Variants in TMEM232 observed in about 807,000 individuals in gnomAD.
The protein encoded by TMEM232 is transmembrane protein 232.
A neutral mutation model predicts 78.8 loss-of-function variants in TMEM232; 80 were observed. The ratio of observed to expected loss-of-function variants is 1.01; its 90% confidence interval spans 0.85 to 1.22. The LOEUF (loss-of-function observed/expected upper bound fraction) is 1.22, where lower values mean the gene tolerates loss of function less well. Among genes scored for constraint, TMEM232 ranks in the 50% most tolerant of loss-of-function variants. The pLI, the probability that TMEM232 is intolerant of heterozygous loss-of-function variation, is 0.00. For synonymous variants in TMEM232, 297 were observed against 254.3 expected (o/e 1.17, Z -1.60); for missense variants, 881 against 742.2 (o/e 1.19, Z -2.17).
chr5:110,491,816 TA>T, intron 12 of TMEM232, among the ~76,000 whole-genome samples: 1 of 151,994 alleles, frequency 6.6e-6, no homozygotes, highest in Middle Eastern at 3.4e-3. Flanking sequence ...GTGAGATTTT[TA>T]AAGTAAACAA....
chr5:110,601,757 G>A (rs1174360641), intron 10 of TMEM232, among the ~76,000 whole-genome samples: 1 of 152,056 alleles, frequency 6.6e-6, no homozygotes, highest in Non-Finnish European at 1.5e-5. Context: ...TTCCCATCAA[G>A]CTACCACTGA....
chr5:110,533,004 G>A (rs989379870), intron 11 of TMEM232, among the ~76,000 whole-genome samples: 1 of 152,088 alleles, frequency 6.6e-6, no homozygotes, highest in Non-Finnish European at 1.5e-5. Flanking sequence ...AAACTGTTTT[G>A]CCTATCCACC....
At chr5:110,530,334 A>T (rs1438734140) in intron 11 of TMEM232, among the ~76,000 whole-genome samples, 1 of 152,224 alleles carries the variant, frequency 6.6e-6, no homozygotes, top group African/African-American at 2.4e-5. Context: ...ATAAGGTGAA[A>T]ATCATGCAAG....
intron 1 of TMEM232, among the ~76,000 whole-genome samples, chr5:110,721,279 T>C (rs75469192): frequency 0.019 from 2,897 of 152,166 alleles, 39 homozygotes; most frequent in Non-Finnish European, 0.031. Flanking sequence ...ACCAATAAAA[T>C]GTAGCCCTGG....
intron 1 of TMEM232, among the ~76,000 whole-genome samples, chr5:110,721,401 T>C (rs1313779035): frequency 2.0e-5 from 3 of 151,786 alleles, no homozygotes; most frequent in African/African-American, 7.3e-5. Context: ...TAGAAATGCA[T>C]GGATGTGCTT....
intron 12 of TMEM232, among the ~76,000 whole-genome samples, chr5:110,495,011 G>T (rs904601625): frequency 1.3e-5 from 2 of 151,728 alleles, no homozygotes; most frequent in South Asian, 2.1e-4. Context: ...AGCAGTAGGA[G>T]AATGGAATTG....
At chr5:110,600,458 C>A (rs1360165925) in intron 10 of TMEM232, among the ~76,000 whole-genome samples, 1 of 151,980 alleles carries the variant, frequency 6.6e-6, no homozygotes, top group Non-Finnish European at 1.5e-5. Flanking sequence ...CAAATACATG[C>A]AATAAAAAAT....
intron 12 of TMEM232, among the ~76,000 whole-genome samples, chr5:110,483,953 T>C (rs972653581): frequency 3.3e-5 from 5 of 152,200 alleles, no homozygotes; most frequent in African/African-American, 9.7e-5. Flanking sequence ...GTGTGGTATA[T>C]ATACAGTATG....
intron 12 of TMEM232, among the ~76,000 whole-genome samples, chr5:110,434,978 C>G (rs987100398): frequency 6.6e-6 from 1 of 151,578 alleles, no homozygotes; most frequent in Non-Finnish European, 1.5e-5. Context: ...CAACAACCTA[C>G]TGAATGGGCA....
At chr5:110,427,398 T>C (rs1757355612) in intron 12 of TMEM232, among the ~76,000 whole-genome samples, 1 of 151,952 alleles carries the variant, frequency 6.6e-6, no homozygotes, top group Non-Finnish European at 1.5e-5. Flanking sequence ...AAAGCCATGG[T>C]GTTTAGCTGT....
chr5:110,664,493 G>C (rs891726588), intron 2 of TMEM232, among the ~76,000 whole-genome samples: 1 of 152,212 alleles, frequency 6.6e-6, no homozygotes, highest in Non-Finnish European at 1.5e-5. Context: ...AGCACATATG[G>C]TTAAACAGCT....
At position 110,512,752 on chromosome 5, in the gene TMEM232, AAAAAC is replaced by A. The variant is rs560297961; in HGVS notation, c.1703+15831_1703+15835del. ...TCTTTGAAAGAGCAAAGAGCACACA[AAAAAC>A]AAAACACAAAACAAAAACATGTAGA... On this transcript the variant is annotated intron_variant, in intron 12 of 13. Coordinates refer to ENST00000455884, the MANE Select transcript of TMEM232 (RefSeq NM_001039763.4). Among the ~76,000 whole-genome samples the A allele has an allele frequency of 4.6e-3, 693 of 152,296 alleles. 1 individual carries two copies. The highest frequency in any genetic ancestry group is 8.1e-3 in the Non-Finnish European group (550 of 68,008).
intron 8 of TMEM232, among the ~76,000 whole-genome samples, chr5:110,611,746 T>C (rs10035754): frequency 0.095 from 14,465 of 152,150 alleles, 825 homozygotes; most frequent in South Asian, 0.2. Flanking sequence ...CCTGGCAGCA[T>C]AGTGTATGAC....
chr5:110,719,784 C>T (rs1166059485), intron 1 of TMEM232, among the ~76,000 whole-genome samples: 1 of 152,104 alleles, frequency 6.6e-6, no homozygotes, highest in Non-Finnish European at 1.5e-5. Flanking sequence ...TGGCAAGGCT[C>T]TCTTTGTCTT....
intron 3 of TMEM232, among the ~76,000 whole-genome samples, chr5:110,392,449 A>G (rs893520931): frequency 5.3e-5 from 8 of 152,346 alleles, no homozygotes; most frequent in African/African-American, 1.9e-4. Flanking sequence ...TCAGGCTGTT[A>G]TGACAAAATA....
chr5:110,676,950 G>A (rs112644742), intron 1 of TMEM232, among the ~76,000 whole-genome samples: 4,394 of 151,856 alleles, frequency 0.029, 213 homozygotes, highest in African/African-American at 0.1. Flanking sequence ...TAGTAGAGAC[G>A]AGGATTCACC....
intron 1 of TMEM232, among the ~76,000 whole-genome samples, chr5:110,676,907 T>C (rs1248396519): frequency 6.6e-6 from 1 of 151,692 alleles, no homozygotes; most frequent in African/African-American, 2.4e-5. Context: ...TACAGGCACC[T>C]GCCACCATGC....
At chr5:110,469,548 A>G (rs1762444759) in intron 12 of TMEM232, among the ~76,000 whole-genome samples, 1 of 152,132 alleles carries the variant, frequency 6.6e-6, no homozygotes, top group Non-Finnish European at 1.5e-5. Context: ...TGAACCATGG[A>G]ACCTGAGCTA....
intron 12 of TMEM232, among the ~76,000 whole-genome samples, chr5:110,514,436 A>G (rs1010016409): frequency 2.0e-5 from 3 of 152,112 alleles, no homozygotes; most frequent in African/African-American, 7.2e-5. Flanking sequence ...ATTTTAGAAC[A>G]TCTAGTAAAT....
Sources: gnomAD v4.1 joint callset for allele counts (sites outside exome capture counted in the v4.1 genomes callset) on GRCh38, gnomAD v4.1.1 for gene constraint, MANE v1.5 for transcripts, NCBI Gene and HGNC (gene_info 2026-07-23, HGNC 2026-07-21) for gene names.